Variants in PTPRD observed in about 807,000 individuals in gnomAD.
PTPRD encodes the protein receptor-type tyrosine-protein phosphatase delta.
A neutral mutation model predicts 214.5 loss-of-function variants in PTPRD; 34 were observed. That is an observed-to-expected ratio of 0.16 (90% CI 0.12 to 0.21). The LOEUF is 0.21. Ranked by LOEUF, PTPRD falls within the 10% of genes least tolerant of loss-of-function variation. The probability of loss-of-function intolerance (pLI) is 1.00; values close to 1 mark genes in which losing one functional copy is unlikely to be tolerated. For missense variants in PTPRD, 2,545 were observed against 2,398.7 expected (o/e 1.06, Z -1.27); for synonymous variants, 1,128 against 845.7 (o/e 1.33, Z -5.79).
intron 9 of PTPRD, among the ~76,000 whole-genome samples, chr9:9,382,801 G>C (rs771669348): frequency 3.3e-5 from 5 of 151,860 alleles, no homozygotes; most frequent in Non-Finnish European, 5.9e-5. Context: ...TCCTACTTCT[G>C]GATATACATT....
intron 9 of PTPRD, among the ~76,000 whole-genome samples, chr9:9,327,347 C>T (rs1329578931): frequency 6.6e-6 from 1 of 152,134 alleles, no homozygotes; most frequent in Non-Finnish European, 1.5e-5. Context: ...AAATATGCTT[C>T]CCATAGTGTC....
rs148429979 is a variant in PTPRD, at chr9:8,680,886, G to A, written c.65-44042C>T. On this transcript the variant is annotated intron_variant, in intron 12 of 45. Transcript: ENST00000381196. ...CATGTAGTCGAATGATTGGCCTCACGGGACTGATTTGAGTTTCAGGGCCCT... is the reference window on the plus strand; with the variant it reads ...CATGTAGTCGAATGATTGGCCTCACAGGACTGATTTGAGTTTCAGGGCCCT... 1.5e-3 allele frequency among the ~76,000 whole-genome samples: 233 copies of A among 152,262 alleles called. 1 individual carries two copies. The highest frequency in any genetic ancestry group is 0.015 in the East Asian group (79 of 5,186).
intron 11 of PTPRD, among the ~76,000 whole-genome samples, chr9:8,986,814 G>A (rs2099347116): frequency 6.6e-6 from 1 of 152,028 alleles, no homozygotes; most frequent in Admixed American, 6.6e-5. Context: ...GGCAGAGTTT[G>A]AGAGTGCCCA....
chr9:9,945,355 G>A (rs771197867), intron 4 of PTPRD, among the ~76,000 whole-genome samples: 1 of 152,148 alleles, frequency 6.6e-6, no homozygotes, highest in Non-Finnish European at 1.5e-5. Context: ...TCACCAAAGG[G>A]TGATGAAAGG....
At chr9:9,374,680 G>A (rs1178850494) in intron 9 of PTPRD, among the ~76,000 whole-genome samples, 1 of 152,140 alleles carries the variant, frequency 6.6e-6, no homozygotes, top group Non-Finnish European at 1.5e-5. Context: ...GACAAACTCT[G>A]ACTGTTCAGA....
At chr9:9,089,603 G>T (rs559890167) in intron 10 of PTPRD, among the ~76,000 whole-genome samples, 5 of 152,204 alleles carry the variant, frequency 3.3e-5, no homozygotes, top group African/African-American at 9.6e-5. Flanking sequence ...TTCTATTAAG[G>T]TTCCTAAACT....
At position 8,460,318 on chromosome 9, in the gene PTPRD, A is replaced by G. The variant is rs765351464; in HGVS notation, c.3875+93T>C. The G allele has an allele frequency of 2.0e-5, 29 of 1,457,870 alleles. No homozygotes were observed. In the African/African-American group the frequency reaches 3.1e-4, roughly 16 times the overall value. The allele number at this position is 1,457,870 out of a possible 1,614,324, so 90.3% of individuals were successfully genotyped here. The stretch of plus-strand genomic sequence containing the variant: ...GAAATGGCACTGAAGTATTTCTACT[A>G]AAATCAACCACCTAAGGACAGCAGA... On this transcript the variant is annotated intron_variant, in intron 33 of 45. Coordinates refer to ENST00000381196, the MANE Select transcript of PTPRD (RefSeq NM_002839.4).
At chr9:10,034,235 T>C (rs567802815) in intron 3 of PTPRD, among the ~76,000 whole-genome samples, 1 of 152,128 alleles carries the variant, frequency 6.6e-6, no homozygotes, top group Admixed American at 6.6e-5. Context: ...TGCCAAACAA[T>C]TGTCTTCAAT....
intron 11 of PTPRD, among the ~76,000 whole-genome samples, chr9:8,934,473 A>AAATT (rs2098979507): frequency 8.0e-5 from 1 of 12,464 alleles, no homozygotes; most frequent in African/African-American, 3.3e-4. Context: ...AAATATATAT[A>AAATT]TATAAATATA....
chr9:8,700,252 T>TA (rs1243442717), intron 12 of PTPRD, among the ~76,000 whole-genome samples: 3 of 152,234 alleles, frequency 2.0e-5, no homozygotes, highest in African/African-American at 7.2e-5. Context: ...CTGCCATCAG[T>TA]AAAAATGCAT....
At chr9:8,804,485 T>C (rs945588624) in intron 11 of PTPRD, among the ~76,000 whole-genome samples, 1 of 151,722 alleles carries the variant, frequency 6.6e-6, no homozygotes, top group Admixed American at 6.6e-5. Flanking sequence ...GTGGTCCCAA[T>C]TACCTGGGAG....
At chr9:9,432,653 T>C (rs2083652771) in intron 8 of PTPRD, among the ~76,000 whole-genome samples, 1 of 152,210 alleles carries the variant, frequency 6.6e-6, no homozygotes, top group Admixed American at 6.5e-5. Flanking sequence ...AAATGCTTTG[T>C]TCAAACAGAA....
At chr9:9,165,574 T>C (rs1232703775) in intron 10 of PTPRD, among the ~76,000 whole-genome samples, 1 of 152,142 alleles carries the variant, frequency 6.6e-6, no homozygotes, top group African/African-American at 2.4e-5. Flanking sequence ...CTCTAAAGGG[T>C]CTGTACATCA....
chr9:8,594,448 CA>C (rs2094345973), intron 14 of PTPRD, among the ~76,000 whole-genome samples: 2 of 152,204 alleles, frequency 1.3e-5, no homozygotes, highest in South Asian at 4.1e-4. Flanking sequence ...TAAATCCTGG[CA>C]AACAACTCCA....
chr9:10,323,909 T>G (rs1003965134), intron 3 of PTPRD, among the ~76,000 whole-genome samples: 6 of 152,020 alleles, frequency 3.9e-5, no homozygotes, highest in African/African-American at 1.4e-4. Flanking sequence ...AGGGACAGAA[T>G]AGAAGAGCAC....
chr9:9,157,791 G>A (rs534457933), intron 10 of PTPRD, among the ~76,000 whole-genome samples: 5 of 152,158 alleles, frequency 3.3e-5, no homozygotes, highest in South Asian at 4.1e-4. Context: ...CGTGTGCCAC[G>A]GTGGTTTACT....
intron 11 of PTPRD, among the ~76,000 whole-genome samples, chr9:8,737,050 C>T (rs1258422393): frequency 6.6e-6 from 1 of 152,152 alleles, no homozygotes; most frequent in Non-Finnish European, 1.5e-5. Flanking sequence ...TACATAATGA[C>T]TCCGTGTGAT....
At chr9:10,059,846 T>C (rs571150383) in intron 3 of PTPRD, among the ~76,000 whole-genome samples, 2 of 151,888 alleles carry the variant, frequency 1.3e-5, no homozygotes, top group Admixed American at 1.3e-4. Context: ...AAGGTTACTT[T>C]GGAAAATTCA....
intron 9 of PTPRD, among the ~76,000 whole-genome samples, chr9:9,380,903 T>C (rs2062034335): frequency 6.6e-6 from 1 of 152,186 alleles, no homozygotes; most frequent in East Asian, 1.9e-4. Context: ...TTACGTCTTC[T>C]TGGAGAATTG....
Sources: allele counts gnomAD v4.1 joint callset (sites outside exome capture counted in the v4.1 genomes callset), GRCh38; gene constraint gnomAD v4.1.1; transcripts MANE v1.5; gene names NCBI Gene and HGNC (gene_info 2026-07-23, HGNC 2026-07-21).